The following SLC12A1 variants were observed in gnomAD, a reference collection of about 807,000 sequenced individuals.
SLC12A1 encodes solute carrier family 12 member 1.
Under a neutral mutation model 130.4 loss-of-function variants are expected in SLC12A1, and 89 were observed. The ratio of observed to expected loss-of-function variants is 0.68; its 90% CI spans 0.58 to 0.81. SLC12A1 has a LOEUF of 0.81. SLC12A1 is among the 40% of genes least tolerant of loss of function. The pLI is 0.00. For synonymous variants in SLC12A1, 499 were observed against 460.0 expected (o/e 1.08, Z -1.09); for missense variants, 1,310 against 1,336.4 (o/e 0.98, Z 0.31).
rs941596129 is a variant in SLC12A1 at position 48,210,077 on chromosome 15, T to C, written c.420+1938T>C. On this transcript the variant is annotated intron_variant, in intron 2 of 26. Transcript: ENST00000380993. ...TCCAGCTGCGGTGTCACTGTCCTTT[T>C]CTGTGTCAAGAAAGGAAAGGAAAAT... Among the ~76,000 whole-genome samples the C allele has an allele frequency of 1.3e-5, 2 of 152,140 alleles. 1 individual carries two copies. The highest frequency in any genetic ancestry group is 1.3e-4 in the Admixed American group (2 of 15,274).
At position 48,288,428 on chromosome 15, in the gene SLC12A1, A is replaced by G. The variant is rs2042082680; in HGVS notation, c.2785A>G (p.Ile929Val). 1 of 1,531,250 alleles carries G rather than the reference A, an allele frequency of 6.5e-7. No homozygotes were observed. Among genetic ancestry groups the G allele is most frequent in the Non-Finnish European group, 8.9e-7 (1 of 1,126,354 alleles). The allele number at this position is 1,531,250 out of a possible 1,614,324, so 94.9% of individuals were successfully genotyped here. ...AGGGTTAACACTTCTTATCCCCTAT[A>G]TCTTAACTCTCAGAAAAAAATGGAA... ...DGGLTLLIPY[I>V]LTLRKKWKDC... The change falls in exon 23 of 27, where the codon ATC becomes GTC. Residue 929 changes from isoleucine to valine, a missense_variant. Physicochemically the swap from Ile to Val is conservative, Grantham distance 29 (BLOSUM62 3). Coordinates refer to ENST00000380993, the MANE Select transcript of SLC12A1 (RefSeq NM_000338.3).
chr15:48,244,895 C>A lies in SLC12A1; in HGVS notation c.1443C>A (p.Asn481Lys), dbSNP rs1276193229. Reference sequence around the variant, plus strand: ...AACCATGTCAGTACGGGCTGATGAACAATTTCCAGGTTTGAAGCAAAATTC... The same window carrying A: ...AACCATGTCAGTACGGGCTGATGAAAAATTTCCAGGTTTGAAGCAAAATTC... Reference protein sequence around the residue: ...RHEPCQYGLMNNFQVMSMVSG... With the variant: ...RHEPCQYGLMKNFQVMSMVSG... The change falls in exon 11 of 27, where the codon AAC (asparagine) becomes AAA (lysine). Residue 481 changes from asparagine (N) to lysine (K), a missense_variant. Asn to Lys is a moderately conservative substitution (Grantham distance 94, BLOSUM62 0). Transcript: ENST00000380993. 3.1e-6 allele frequency: 5 copies of A among 1,613,692 alleles called. No homozygotes were observed. The highest frequency in any genetic ancestry group is 1.3e-5 in the African/African-American group (1 of 74,918).
At chr15:48,283,844 A>T (rs1476968106) in intron 20 of SLC12A1, among the ~76,000 whole-genome samples, 1 of 152,064 alleles carries the variant, frequency 6.6e-6, no homozygotes, top group African/African-American at 2.4e-5. Context: ...AGGGCATCTG[A>T]CAAGAGTGCC....
At chr15:48,287,999 G>T in intron 21 of SLC12A1, 44 bp from the exon 22 acceptor site, 1 of 1,582,362 alleles carries the variant, frequency 6.3e-7, no homozygotes, top group Non-Finnish European at 8.6e-7. Flanking sequence ...TTTTGTTTCT[G>T]CCCTCAAAAG....
chr15:48,229,159 A>C, intron 5 of SLC12A1, 30 bp from the exon 6 acceptor site: 1 of 1,568,736 alleles, frequency 6.4e-7, no homozygotes, highest in Non-Finnish European at 8.7e-7. Flanking sequence ...GCAGTTCCTC[A>C]ATGTGAAGTA....
chr15:48,284,071 A>G (rs1159941190), intron 20 of SLC12A1, among the ~76,000 whole-genome samples: 2 of 152,236 alleles, frequency 1.3e-5, no homozygotes, highest in East Asian at 1.9e-4. Context: ...GTGTGTCTCA[A>G]CCTTGGGCAG....
Position 48,299,198 on chromosome 15 carries a change from T to G in SLC12A1, c.3019T>G (p.Leu1007Val). 1 of 1,609,114 alleles carries G rather than the reference T, an allele frequency of 6.2e-7. No individual in the cohort carries two copies. The highest frequency in any genetic ancestry group is 8.5e-7 in the Non-Finnish European group (1 of 1,178,520). Residue 1007 changes from leucine (L) to valine (V), a missense_variant, in exon 25 of 27, where the codon TTA (leucine) becomes GTA (valine). Coordinates refer to ENST00000380993, the MANE Select transcript of SLC12A1 (RefSeq NM_000338.3). ...TCGTCTCCATGAAAGCTGCAAAGAT[T>G]TAACAACTGCTGAGAAATTAAAAAG... ...PYRLHESCKDLTTAEKLKRET... is the reference protein window; with the variant it reads ...PYRLHESCKDVTTAEKLKRET...
intron 9 of SLC12A1, 30 bp from the exon 10 acceptor site, chr15:48,241,485 T>G: frequency 1.3e-6 from 2 of 1,502,556 alleles, no homozygotes; most frequent in Non-Finnish European, 1.9e-6. Flanking sequence ...CTGCTCTGTA[T>G]TCTTCTACCT....
At chr15:48,237,157 G>A in intron 9 of SLC12A1, 1 of 634,024 alleles carries the variant, frequency 1.6e-6, no homozygotes, top group Non-Finnish European at 2.8e-6. Context: ...TTTCAGAAGA[G>A]GGGACACTCA....
chr15:48,221,744 C>T (rs2041219311), intron 4 of SLC12A1, among the ~76,000 whole-genome samples: 2 of 152,050 alleles, frequency 1.3e-5, no homozygotes, highest in African/African-American at 2.4e-5. Context: ...TAAAGTTCCC[C>T]ATTTAATGAG....
At chr15:48,254,848 C>T (rs1287489501) in intron 15 of SLC12A1, among the ~76,000 whole-genome samples, 5 of 150,556 alleles carry the variant, frequency 3.3e-5, no homozygotes, top group African/African-American at 1.2e-4. Context: ...GGCGTGAACC[C>T]GGGATGTGGA....
chr15:48,299,438 C>T (rs956301774), intron 25 of SLC12A1, among the ~76,000 whole-genome samples, 163 bp downstream of exon 25: 5 of 152,098 alleles, frequency 3.3e-5, no homozygotes, highest in East Asian at 1.9e-4. Flanking sequence ...TTACTGGATA[C>T]GATTATTTAG....
intron 23 of SLC12A1, among the ~76,000 whole-genome samples, chr15:48,289,441 T>C (rs1231556171): frequency 7.6e-6 from 1 of 132,184 alleles, no homozygotes; most frequent in Admixed American, 7.8e-5. Context: ...TGTATAACTA[T>C]GTATAACTGT....
chr15:48,265,813 G>A (rs1396507096), intron 17 of SLC12A1, among the ~76,000 whole-genome samples: 1 of 152,060 alleles, frequency 6.6e-6, no homozygotes, highest in African/African-American at 2.4e-5. Context: ...ATTGAATGTT[G>A]TGTAATAGAA....
intron 9 of SLC12A1, among the ~76,000 whole-genome samples, chr15:48,240,112 CAT>C (rs751601018): frequency 0.05 from 3,736 of 74,276 alleles, 145 homozygotes; most frequent in African/African-American, 0.12. Flanking sequence ...TATATATATC[CAT>C]ATATATATAT....
At chr15:48,221,048 T>C (rs535988881) in intron 4 of SLC12A1, 52 bp downstream of exon 4, 65 of 1,507,132 alleles carry the variant, frequency 4.3e-5, no homozygotes, top group Non-Finnish European at 6.0e-5. Flanking sequence ...ATAAATTCAA[T>C]AAGCAATCTT....
chr15:48,257,189 G>A (rs890664195), intron 16 of SLC12A1, among the ~76,000 whole-genome samples: 1 of 152,196 alleles, frequency 6.6e-6, no homozygotes, highest in African/African-American at 2.4e-5. Context: ...ATGCAAGGTG[G>A]GTTCCCAAGG....
chr15:48,259,272 CAAG>C lies in SLC12A1; in HGVS notation c.2118_2120del (p.Lys706del). ...TCCTGGACATAACTCACGCCTTTACCAAGAACAGTGGCCTTTGCATCTGCTGTG... is the reference window on the plus strand; with the variant it reads ...TCCTGGACATAACTCACGCCTTTACCAACAGTGGCCTTTGCATCTGCTGTG... On this transcript the variant is annotated inframe_deletion, in exon 17 of 27. Transcript: ENST00000380993. 1 of 1,613,764 alleles carries C rather than the reference CAAG, an allele frequency of 6.2e-7. No individual in the cohort carries two copies. The highest frequency in any genetic ancestry group is 8.5e-7 in the Non-Finnish European group (1 of 1,179,732).
intron 20 of SLC12A1, among the ~76,000 whole-genome samples, chr15:48,283,244 T>TG (rs2042025883): frequency 6.6e-6 from 1 of 152,118 alleles, no homozygotes; most frequent in African/African-American, 2.4e-5. Flanking sequence ...TTGCAAAGCT[T>TG]GGGGGGTGGG....
Sources: allele counts gnomAD v4.1 joint callset (sites outside exome capture counted in the v4.1 genomes callset), GRCh38; gene constraint gnomAD v4.1.1; transcripts MANE v1.5; gene names NCBI Gene and HGNC (gene_info 2026-07-23, HGNC 2026-07-21).